Variants in RBFOX1 observed in about 807,000 individuals in gnomAD.
RBFOX1 encodes the protein RNA binding fox-1 homolog 1.
RBFOX1 carries 8 observed loss-of-function variants against 57.7 expected under a neutral mutation model. That is an observed-to-expected ratio of 0.14 (90% CI 0.08 to 0.25). The LOEUF (loss-of-function observed/expected upper bound fraction) is 0.25, where lower values mean the gene tolerates loss of function less well. RBFOX1 is among the 10% of genes least tolerant of loss of function. The pLI is 1.00. For synonymous variants in RBFOX1, 326 were observed against 222.4 expected (o/e 1.47, Z -4.15); for missense variants, 611 against 548.5 (o/e 1.11, Z -1.14).
At chr16:6,914,309 C>T (rs569661160) in intron 3 of RBFOX1, among the ~76,000 whole-genome samples, 3 of 152,048 alleles carry the variant, frequency 2.0e-5, no homozygotes, top group South Asian at 2.1e-4. Flanking sequence ...CTAGGAGGGA[C>T]CTTAGTGATA....
At chr16:6,896,177 G>A (rs141928493) in intron 3 of RBFOX1, among the ~76,000 whole-genome samples, 2,521 of 152,194 alleles carry the variant, frequency 0.017, 64 homozygotes, top group African/African-American at 0.057. Context: ...GGAGGCTGAG[G>A]CAGGAGAATC....
intron 5 of RBFOX1, among the ~76,000 whole-genome samples, chr16:7,524,976 A>T (rs929021842): frequency 2.0e-5 from 3 of 152,244 alleles, no homozygotes; most frequent in African/African-American, 4.8e-5. Flanking sequence ...GGAAAAGGAT[A>T]TAAAATGAAA....
At chr16:6,579,274 GCTCT>G (rs1362308747) in intron 2 of RBFOX1, among the ~76,000 whole-genome samples, 38 of 151,924 alleles carry the variant, frequency 2.5e-4, no homozygotes, top group Admixed American at 2.3e-3. Flanking sequence ...TTCAGTTATC[GCTCT>G]CTGTAGGCTT....
chr16:5,791,839 C>A (rs1181531366), intron 3 of RBFOX1, among the ~76,000 whole-genome samples: 1 of 152,174 alleles, frequency 6.6e-6, no homozygotes, highest in Admixed American at 6.5e-5. Flanking sequence ...ACTTTGCTCT[C>A]TGGAAATAAA....
intron 3 of RBFOX1, among the ~76,000 whole-genome samples, chr16:5,641,499 A>T (rs751020613): frequency 8.5e-5 from 13 of 152,222 alleles, no homozygotes; most frequent in Non-Finnish European, 1.6e-4. Flanking sequence ...CTCTTCCAAG[A>T]GATAGCTGTT....
At chr16:6,379,378 C>T (rs1299894058) in intron 2 of RBFOX1, among the ~76,000 whole-genome samples, 2 of 152,182 alleles carry the variant, frequency 1.3e-5, no homozygotes, top group East Asian at 3.9e-4. Flanking sequence ...TGCCTTATAC[C>T]TGTTGTTCCA....
chr16:5,282,334 C>G (rs2063293458), intron 1 of RBFOX1, among the ~76,000 whole-genome samples: 2 of 152,088 alleles, frequency 1.3e-5, no homozygotes, highest in South Asian at 2.1e-4. Context: ...TGAAAATGGA[C>G]TAATACAGTA....
At chr16:7,509,401 TGTGTGTGTG>T (rs2074351184) in intron 4 of RBFOX1, among the ~76,000 whole-genome samples, 2 of 76,888 alleles carry the variant, frequency 2.6e-5, no homozygotes, top group African/African-American at 1.1e-4. Flanking sequence ...TGTGTGTGTG[TGTGTGTGTG>T]TGTGTGTGTG....
intron 2 of RBFOX1, among the ~76,000 whole-genome samples, chr16:6,616,160 A>C (rs116317167): frequency 0.012 from 1,887 of 152,286 alleles, 38 homozygotes; most frequent in African/African-American, 0.043. Flanking sequence ...CAAATTTTTC[A>C]TCATTGTATG....
chr16:7,258,295 C>T (rs2094778072), intron 4 of RBFOX1, among the ~76,000 whole-genome samples: 1 of 152,038 alleles, frequency 6.6e-6, no homozygotes, highest in Admixed American at 6.6e-5. Context: ...TTTATTCAGC[C>T]TCCGTATTTT....
chr16:5,579,840 A>G (rs1596332780), intron 2 of RBFOX1, among the ~76,000 whole-genome samples: 4 of 149,746 alleles, frequency 2.7e-5, no homozygotes, highest in African/African-American at 7.4e-5. Context: ...GCTCACTGCA[A>G]CCTCCGCCTC....
chr16:6,197,191 C>G (rs77520062), intron 1 of RBFOX1, among the ~76,000 whole-genome samples: 2 of 152,130 alleles, frequency 1.3e-5, no homozygotes, highest in Non-Finnish European at 2.9e-5. Flanking sequence ...CTTATTTCTT[C>G]TTCCTCTGCA....
At chr16:6,324,758 C>A (rs1366404910) in intron 2 of RBFOX1, among the ~76,000 whole-genome samples, 5 of 152,012 alleles carry the variant, frequency 3.3e-5, no homozygotes, top group African/African-American at 4.8e-5. Context: ...AACTAGGGCC[C>A]CATCTAACTT....
At chr16:6,372,342 G>T (rs1227184336) in intron 2 of RBFOX1, among the ~76,000 whole-genome samples, 1 of 151,828 alleles carries the variant, frequency 6.6e-6, no homozygotes, top group African/African-American at 2.4e-5. Context: ...AGACTTGGTG[G>T]AAGTATAGTC....
intron 1 of RBFOX1, among the ~76,000 whole-genome samples, chr16:6,028,421 C>G (rs2095237254): frequency 6.7e-6 from 1 of 150,076 alleles, no homozygotes; most frequent in South Asian, 2.1e-4. Flanking sequence ...GCCTGCAATC[C>G]CAACACTTTG....
At chr16:6,819,208 T>C (rs1044209112) in intron 3 of RBFOX1, among the ~76,000 whole-genome samples, 1 of 152,228 alleles carries the variant, frequency 6.6e-6, no homozygotes, top group African/African-American at 2.4e-5. Context: ...TATTTCCGTA[T>C]AGAAATCGTC....
At chr16:5,381,054 A>T (rs1048900169) in intron 1 of RBFOX1, among the ~76,000 whole-genome samples, 1 of 152,228 alleles carries the variant, frequency 6.6e-6, no homozygotes, top group Admixed American at 6.5e-5. Flanking sequence ...GGCCTCGTAG[A>T]CCATGAGTCA....
At chr16:6,953,996 C>T (rs538970684) in intron 3 of RBFOX1, among the ~76,000 whole-genome samples, 22 of 152,112 alleles carry the variant, frequency 1.4e-4, no homozygotes, top group Admixed American at 2.0e-4. Context: ...ATAGGTCTTA[C>T]GCACATGTCA....
intron 3 of RBFOX1, among the ~76,000 whole-genome samples, chr16:5,751,095 G>A (rs565911628): frequency 2.6e-5 from 4 of 152,190 alleles, no homozygotes; most frequent in South Asian, 2.1e-4. Flanking sequence ...TGCCCACCTC[G>A]GCCTCCTAAA....
Sources: allele counts gnomAD v4.1 joint callset (sites outside exome capture counted in the v4.1 genomes callset), GRCh38; gene constraint gnomAD v4.1.1; transcripts MANE v1.5; gene names NCBI Gene and HGNC (gene_info 2026-07-23, HGNC 2026-07-21).